MPPED2: variants seen among roughly 807,000 people sequenced by gnomAD.
MPPED2 encodes metallophosphoesterase MPPED2.
In MPPED2, 5 loss-of-function variants were observed where a neutral mutation model predicts 33.0. That is an observed-to-expected ratio of 0.15 (90% CI 0.08 to 0.32). The LOEUF (loss-of-function observed/expected upper bound fraction) is 0.32. MPPED2 is among the 10% of genes least tolerant of loss of function. The pLI, the probability that MPPED2 is intolerant of heterozygous loss-of-function variation, is 1.00. For missense variants in MPPED2, 275 were observed against 372.1 expected (o/e 0.74, Z 2.15); for synonymous variants, 136 against 141.9 (o/e 0.96, Z 0.29).
At chr11:30,501,165 G>C (rs1158729974) in intron 3 of MPPED2, among the ~76,000 whole-genome samples, 1 of 152,172 alleles carries the variant, frequency 6.6e-6, no homozygotes, top group Non-Finnish European at 1.5e-5. Context: ...GACATTAGCT[G>C]TGTTGTTATG....
At chr11:30,394,424 T>C (rs903064952) in intron 6 of MPPED2, among the ~76,000 whole-genome samples, 2 of 152,208 alleles carry the variant, frequency 1.3e-5, no homozygotes, top group African/African-American at 2.4e-5. Context: ...TGCATCCTTG[T>C]CAGCACTTGA....
rs776863532 is a variant in MPPED2 at position 30,527,092 on chromosome 11, AT to A, written c.310+8901del. On this transcript the variant is annotated intron_variant, in intron 3 of 6. Transcript: ENST00000358117. ...AGGCGCCCACCACCACGCCCAGCTA[AT>A]TTTTTTTTGTATTTTTTCAGTAGAG... Among the ~76,000 whole-genome samples the A allele has an allele frequency of 3.3e-4, 50 of 149,590 alleles. No homozygotes were observed. In the East Asian group the frequency reaches 8.6e-3, roughly 26 times the overall value.
chr11:30,403,246 C>CAAA (rs757620790), intron 6 of MPPED2, among the ~76,000 whole-genome samples: 6 of 107,652 alleles, frequency 5.6e-5, no homozygotes, highest in South Asian at 2.9e-4. Context: ...GACTCCGTCT[C>CAAA]AAAAAAAAAA....
chr11:30,505,618 A>C (rs1222702107), intron 3 of MPPED2, among the ~76,000 whole-genome samples: 1 of 152,264 alleles, frequency 6.6e-6, no homozygotes, highest in African/African-American at 2.4e-5. Flanking sequence ...CGATCTGAAC[A>C]ATCAGACTAG....
Position 30,553,766 on chromosome 11 carries a change from T to A in MPPED2, c.129-17591A>T, listed in dbSNP as rs572931852. Among the ~76,000 whole-genome samples, 213 of 152,092 alleles carry A rather than the reference T, an allele frequency of 1.4e-3. 2 individuals carry two copies. The highest frequency in any genetic ancestry group is 2.8e-3 in the Non-Finnish European group (193 of 67,986). On this transcript the variant is annotated intron_variant, in intron 2 of 6. Coordinates refer to ENST00000358117, the MANE Select transcript of MPPED2 (RefSeq NM_001584.3). ...AGGGATAAGCAGCCACTTCAAAGGG[T>A]TCTTTGAGTGTTAAACATGGTACCT...
intron 3 of MPPED2, among the ~76,000 whole-genome samples, chr11:30,519,743 C>T (rs1457020880): frequency 6.6e-6 from 1 of 152,060 alleles, no homozygotes; most frequent in Non-Finnish European, 1.5e-5. Flanking sequence ...GGTATTCCTA[C>T]TAGTAACCCC....
intron 2 of MPPED2, among the ~76,000 whole-genome samples, chr11:30,566,232 C>T (rs945587787): frequency 1.3e-5 from 2 of 152,058 alleles, no homozygotes; most frequent in Non-Finnish European, 2.9e-5. Context: ...ATTGTTGACT[C>T]CAAATATGAT....
intron 4 of MPPED2, among the ~76,000 whole-genome samples, chr11:30,432,799 C>T (rs946374746): frequency 4.6e-5 from 7 of 152,078 alleles, no homozygotes; most frequent in African/African-American, 1.7e-4. Flanking sequence ...AGTACAGGTC[C>T]CCAACTTGTG....
At position 30,414,211 on chromosome 11, in the gene MPPED2, T is replaced by C. The variant is rs1244393991; in HGVS notation, c.766+17A>G. The C allele has an allele frequency of 2.5e-6, 4 of 1,572,226 alleles. No individual in the cohort carries two copies. The highest frequency in any genetic ancestry group is 3.5e-6 in the Non-Finnish European group (4 of 1,141,894). On this transcript the variant is annotated intron_variant, in intron 6 of 6. Coordinates refer to ENST00000358117, the MANE Select transcript of MPPED2 (RefSeq NM_001584.3). ...CAGGGGCACAAAATGTTTTGAATTCTTTTCCGCTGTTCTTACCTTCATGGA... is the reference window on the plus strand; with the variant it reads ...CAGGGGCACAAAATGTTTTGAATTCCTTTCCGCTGTTCTTACCTTCATGGA...
chr11:30,521,462 C>G (rs4630262), intron 3 of MPPED2, among the ~76,000 whole-genome samples: 2 of 152,156 alleles, frequency 1.3e-5, no homozygotes, highest in Non-Finnish European at 2.9e-5. Context: ...CACAGAGTAT[C>G]TCAACATCCA....
chr11:30,468,606 G>T (rs1486491031), intron 4 of MPPED2, among the ~76,000 whole-genome samples: 1 of 152,000 alleles, frequency 6.6e-6, no homozygotes, highest in Non-Finnish European at 1.5e-5. Flanking sequence ...AAAGGAGAGA[G>T]AAAAGAAAGA....
chr11:30,524,968 A>G (rs1489465175), intron 3 of MPPED2, among the ~76,000 whole-genome samples: 2 of 152,198 alleles, frequency 1.3e-5, no homozygotes, highest in Non-Finnish European at 2.9e-5. Flanking sequence ...CTAACAATAA[A>G]ACCTCAAATA....
chr11:30,578,836 G>T (rs3781852), intron 2 of MPPED2, among the ~76,000 whole-genome samples: 48,864 of 151,978 alleles, frequency 0.32, 8,868 homozygotes, highest in African/African-American at 0.5. Context: ...GAATTAAACA[G>T]ATATTTATTG....
intron 3 of MPPED2, among the ~76,000 whole-genome samples, chr11:30,505,748 T>C (rs1430328485): frequency 3.3e-5 from 5 of 152,202 alleles, no homozygotes; most frequent in Admixed American, 2.6e-4. Context: ...TCTGGATCAG[T>C]TGTGTGCATG....
At chr11:30,514,052 A>C in intron 3 of MPPED2, among the ~76,000 whole-genome samples, 1 of 152,222 alleles carries the variant, frequency 6.6e-6, no homozygotes, top group East Asian at 1.9e-4. Flanking sequence ...TTGATGGCAC[A>C]TTCAAATCTT....
At chr11:30,541,359 T>C (rs1037280773) in intron 2 of MPPED2, among the ~76,000 whole-genome samples, 2 of 152,230 alleles carry the variant, frequency 1.3e-5, no homozygotes, top group African/African-American at 4.8e-5. Context: ...AACAAATGAA[T>C]ACAGTATTGC....
chr11:30,497,316 G>A (rs911092503), intron 3 of MPPED2, among the ~76,000 whole-genome samples: 1 of 152,166 alleles, frequency 6.6e-6, no homozygotes, highest in Non-Finnish European at 1.5e-5. Context: ...AAATTTGTGA[G>A]AGACCCTACA....
chr11:30,484,252 T>A (rs1008429838), intron 4 of MPPED2, among the ~76,000 whole-genome samples: 1 of 152,200 alleles, frequency 6.6e-6, no homozygotes, highest in Non-Finnish European at 1.5e-5. Flanking sequence ...AAGACTATTA[T>A]TTAAGCTAGG....
At chr11:30,453,920 C>T (rs929655091) in intron 4 of MPPED2, among the ~76,000 whole-genome samples, 3 of 152,140 alleles carry the variant, frequency 2.0e-5, no homozygotes, top group Admixed American at 6.5e-5. Flanking sequence ...CAGGTATGAA[C>T]AAGGAGGCTT....
Sources: gnomAD v4.1 joint callset for allele counts (sites outside exome capture counted in the v4.1 genomes callset) on GRCh38, gnomAD v4.1.1 for gene constraint, MANE v1.5 for transcripts, NCBI Gene and HGNC (gene_info 2026-07-23, HGNC 2026-07-21) for gene names.